The following ITSN2 variants were observed in gnomAD, a reference collection of about 807,000 sequenced individuals.
The protein encoded by ITSN2 is intersectin 2, also known as intersectin-2.
A neutral mutation model predicts 243.7 loss-of-function variants in ITSN2; 156 were observed. The ratio of observed to expected loss-of-function variants is 0.64; its 90% CI spans 0.56 to 0.73. ITSN2 has a LOEUF of 0.73. Among genes scored for constraint, ITSN2 ranks in the 30% least tolerant of loss-of-function variants. The pLI is 0.00. For synonymous variants in ITSN2, 703 were observed against 699.9 expected, an observed-to-expected ratio of 1.00 and a Z score of -0.07; for missense variants, 1,801 against 1,996.1, an observed-to-expected ratio of 0.90 and a Z score of 1.86.
chr2:24,251,768 A>AT (rs1291328009), intron 25 of ITSN2, among the ~76,000 whole-genome samples: 1 of 151,534 alleles, frequency 6.6e-6, no homozygotes, highest in East Asian at 1.9e-4. Context: ...AATTATTGTT[A>AT]TTTTAAAATG....
rs954355298 is a variant in ITSN2 at position 24,359,284 on chromosome 2, G to C, written c.-34+1020C>G. ...GCTTAAGAAGCTTTAAACTACAAGAGCTATGCTACCTAAACTGAGCTCACT... is the reference window on the plus strand; with the variant it reads ...GCTTAAGAAGCTTTAAACTACAAGACCTATGCTACCTAAACTGAGCTCACT... On this transcript the variant is annotated intron_variant, in intron 1 of 39. Transcript: ENST00000355123. Among the ~76,000 whole-genome samples, 9 of 152,202 alleles carry C rather than the reference G, an allele frequency of 5.9e-5. 1 individual carries two copies. Among genetic ancestry groups the C allele is most frequent in the Non-Finnish European group, 1.2e-4 (8 of 68,042 alleles).
chr2:24,337,283 A>ATGTGTG (rs1311793889), intron 1 of ITSN2, among the ~76,000 whole-genome samples: 1 of 28,586 alleles, frequency 3.5e-5, no homozygotes, highest in Non-Finnish European at 1.0e-4. Flanking sequence ...ATATGTATGT[A>ATGTGTG]TGTGTGTGTG....
chr2:24,274,265 G>A (rs538940450), intron 18 of ITSN2, among the ~76,000 whole-genome samples: 1 of 152,120 alleles, frequency 6.6e-6, no homozygotes, highest in South Asian at 2.1e-4. Flanking sequence ...TCGTTAGGAG[G>A]CCACAAAAAC....
At chr2:24,254,206 GA>G (rs1262163207) in intron 24 of ITSN2, among the ~76,000 whole-genome samples, 160 bp downstream of exon 24, 7 of 152,134 alleles carry the variant, frequency 4.6e-5, no homozygotes, top group African/African-American at 1.7e-4. Flanking sequence ...ATATTCATGT[GA>G]AATAGATAGG....
intron 15 of ITSN2, chr2:24,293,346 T>A (rs117510138): frequency 5.9e-6 from 1 of 168,176 alleles, no homozygotes. Context: ...TTCTTTAAAA[T>A]CAGTGCAGGA....
At chr2:24,303,731 G>T in intron 9 of ITSN2, 68 bp downstream of exon 9, 1 of 982,926 alleles carries the variant, frequency 1.0e-6, no homozygotes, top group Non-Finnish European at 1.6e-6. Flanking sequence ...TCTTGTAATA[G>T]GGGAGAGAGA....
Position 24,261,640 on chromosome 2 carries a change from C to T in ITSN2, c.2458G>A (p.Glu820Lys). The change falls in exon 21 of 40, where the codon GAA becomes AAA. Residue 820 changes from glutamate (E) to lysine (K), a missense_variant. Glu to Lys is a moderately conservative substitution (Grantham distance 56). Transcript: ENST00000355123. ...CNYVEKMPSS[E>K]NEKAVSPKKA... ...TTTGGAGATACAGCTTTTTCATTTT[C>T]ACTTGATGGCATTTTTTCTACATAA... is the stretch of plus-strand genomic sequence containing the variant. 1 of 1,613,448 alleles carries T rather than the reference C, an allele frequency of 6.2e-7. No individual in the cohort carries two copies. The highest frequency in any genetic ancestry group is 8.5e-7 in the Non-Finnish European group (1 of 1,179,534).
chr2:24,355,896 C>A (rs1472733175), intron 1 of ITSN2, among the ~76,000 whole-genome samples: 1 of 151,674 alleles, frequency 6.6e-6, no homozygotes, highest in East Asian at 1.9e-4. Context: ...GAAACCCTGT[C>A]TCTATTTTTA....
At chr2:24,268,539 A>G (rs1292772099) in intron 20 of ITSN2, among the ~76,000 whole-genome samples, 1 of 152,166 alleles carries the variant, frequency 6.6e-6, no homozygotes, top group Admixed American at 6.5e-5. Context: ...TGTACGTTCT[A>G]CACACTGATC....
intron 25 of ITSN2, among the ~76,000 whole-genome samples, chr2:24,251,797 C>T (rs972227106): frequency 1.3e-4 from 19 of 151,486 alleles, no homozygotes; most frequent in Non-Finnish European, 2.4e-4. Context: ...TATAATTTCG[C>T]TTTTCAAATT....
chr2:24,296,169 T>C (rs1680937415), intron 13 of ITSN2, among the ~76,000 whole-genome samples: 1 of 152,242 alleles, frequency 6.6e-6, no homozygotes, highest in African/African-American at 2.4e-5. Context: ...TGCTCGGCAT[T>C]ACCTTCTCTG....
intron 33 of ITSN2, 134 bp downstream of exon 33, chr2:24,212,516 G>A (rs908245309): frequency 3.1e-6 from 2 of 636,284 alleles, no homozygotes; most frequent in Non-Finnish European, 5.4e-6. Context: ...CCGGGACAGT[G>A]GGATCACTTG....
In ITSN2 at chr2:24,210,008, T is replaced by C. The variant is rs1012999452; in HGVS notation, c.4283A>G (p.Asn1428Ser). The change falls in exon 35 of 40, where the codon AAC (asparagine) becomes AGC (serine). Residue 1428 changes from asparagine to serine, a missense_variant. Physicochemically the swap from Asn to Ser is conservative, Grantham distance 46. Around this residue, in one of 5 missense-constraint regions of ITSN2, gnomAD observed 928 missense variants for 1,065.4 expected, o/e 0.87. Transcript: ENST00000355123. ...TAAGAGCTTCCGGGGCCCCAGGCAG[T>C]TGGTGAGAGAGTTGAAAATAAGTTG... ...AEQLIFNSLT[N>S]CLGPRKLLHS... 2.3e-5 allele frequency: 37 copies of C among 1,613,758 alleles called. No individual in the cohort carries two copies. Among genetic ancestry groups the C allele is most frequent in the Non-Finnish European group, 2.9e-5 (34 of 1,179,730 alleles).
chr2:24,287,497 C>G (rs891153872), intron 15 of ITSN2, among the ~76,000 whole-genome samples: 1 of 152,116 alleles, frequency 6.6e-6, no homozygotes, highest in African/African-American at 2.4e-5. Context: ...CTGCATTTAG[C>G]ATAAGGGAGC....
intron 29 of ITSN2, chr2:24,239,162 C>A (rs1672474241): frequency 6.6e-6 from 1 of 152,434 alleles, no homozygotes; most frequent in African/African-American, 2.4e-5. Flanking sequence ...TTCAATAATG[C>A]CACTTTAGGC....
chr2:24,353,072 G>A (rs188764250), intron 1 of ITSN2, among the ~76,000 whole-genome samples: 1 of 152,044 alleles, frequency 6.6e-6, no homozygotes, highest in Non-Finnish European at 1.5e-5. Flanking sequence ...ACAAAAGAAA[G>A]AATAAGCAGA....
At chr2:24,221,762 A>G (rs768173856) in intron 29 of ITSN2, among the ~76,000 whole-genome samples, 11 of 152,228 alleles carry the variant, frequency 7.2e-5, no homozygotes, top group Non-Finnish European at 1.2e-4. Flanking sequence ...AAATGACAGG[A>G]AAGTCACAAG....
chr2:24,246,189 T>G lies in ITSN2; in HGVS notation c.3517A>C (p.Thr1173Pro). The G allele has an allele frequency of 6.2e-7, 1 of 1,613,496 alleles. No individual in the cohort carries two copies. The highest frequency in any genetic ancestry group is 1.3e-5 in the African/African-American group (1 of 75,020). The change falls in exon 29 of 40, where the codon ACT (threonine) becomes CCT (proline). Residue 1173 changes from threonine to proline, a missense_variant. By Grantham distance (38) the Thr-to-Pro change is conservative. Coordinates refer to ENST00000355123, the MANE Select transcript of ITSN2 (RefSeq NM_006277.3). The part of the protein sequence containing the change: ...DWWQGEINGV[T>P]GLFPSNYVKM... ...ACGTAGTTTGAAGGAAAGAGACCAGTCACCCCGTTGATCTCTCCTTGCCAC... is the reference window on the plus strand; with the variant it reads ...ACGTAGTTTGAAGGAAAGAGACCAGGCACCCCGTTGATCTCTCCTTGCCAC...
rs139760625 is a variant in ITSN2 at position 24,298,488 on chromosome 2, G to A, written c.1494+177C>T. ...TAATTTTTTTTTTTAGTAGAGATGGGGTTTCACCATGTTGGCCAGGCTGGT... is the reference window on the plus strand; with the variant it reads ...TAATTTTTTTTTTTAGTAGAGATGGAGTTTCACCATGTTGGCCAGGCTGGT... On this transcript the variant is annotated intron_variant, in intron 13 of 39. Transcript: ENST00000355123. 3.8e-4 allele frequency among the ~76,000 whole-genome samples: 57 copies of A among 151,964 alleles called. No individual in the cohort carries two copies. The East Asian group carries it at 0.01, about 27-fold the overall frequency.
Sources: allele counts gnomAD v4.1 joint callset (sites outside exome capture counted in the v4.1 genomes callset), GRCh38; gene constraint gnomAD v4.1.1; regional missense constraint gnomAD v4.1.1; transcripts MANE v1.5; gene names NCBI Gene and HGNC (gene_info 2026-07-23, HGNC 2026-07-21).